Variants in NUAK2 observed in about 807,000 individuals in gnomAD.
NUAK2 encodes NUAK family kinase 2, also known as NUAK family SNF1-like kinase 2.
In NUAK2, 20 loss-of-function variants were observed where a neutral mutation model predicts 29.8. The observed-to-expected ratio is 0.67, with a 90% CI of 0.47 to 0.98. The LOEUF is 0.98. Ranked by LOEUF, NUAK2 falls within the 50% of genes least tolerant of loss-of-function variation. The pLI is 0.00. For missense variants in NUAK2, 719 were observed against 834.5 expected, an observed-to-expected ratio of 0.86 and a Z score of 1.71; for synonymous variants, 331 against 342.6, an observed-to-expected ratio of 0.97 and a Z score of 0.37.
At position 205,303,737 on chromosome 1, in the gene NUAK2, C is replaced by T; in HGVS notation, c.1600G>A (p.Ala534Thr). ...GCCCCTGAGGGTCGGCTGGCCCGGGCCAGGGGGCGAGGTGGGGCGAGTTCA... is the reference window on the plus strand; with the variant it reads ...GCCCCTGAGGGTCGGCTGGCCCGGGTCAGGGGGCGAGGTGGGGCGAGTTCA... Reference protein sequence around the residue: ...LDELAPPRPLARASRPSGAVS... With the variant: ...LDELAPPRPLTRASRPSGAVS... The change falls in exon 7 of 7, where the codon GCC becomes ACC. Residue 534 changes from alanine (A) to threonine (T), a missense_variant. By Grantham distance (58) the Ala-to-Thr change is moderately conservative. Transcript: ENST00000367157. The T allele has an allele frequency of 1.3e-6, 2 of 1,539,878 alleles. No homozygotes were observed. The highest frequency in any genetic ancestry group is 1.7e-6 in the Non-Finnish European group (2 of 1,144,848).
Position 205,311,905 on chromosome 1 carries a change from G to A in NUAK2, c.232-80C>T. 3 of 1,579,604 alleles carry A rather than the reference G, an allele frequency of 1.9e-6. No individual in the cohort carries two copies. The South Asian group carries it at 3.4e-5, about 18-fold the overall frequency. On this transcript the variant is annotated intron_variant, in intron 1 of 6. Coordinates refer to ENST00000367157, the MANE Select transcript of NUAK2 (RefSeq NM_030952.3). The stretch of plus-strand genomic sequence containing the variant: ...GGGCCCTGGTCCTGGTGGTTTGCCT[G>A]TAGCTGCTATAAAGGCCACAGAGTA...
At chr1:205,315,279 G>A (rs536403517) in intron 1 of NUAK2, among the ~76,000 whole-genome samples, 1 of 152,334 alleles carries the variant, frequency 6.6e-6, no homozygotes, top group Non-Finnish European at 1.5e-5. Flanking sequence ...CACAGGAGAG[G>A]GCTCTAGCTA....
At chr1:205,311,014 A>C (rs541736611) in intron 2 of NUAK2, among the ~76,000 whole-genome samples, 88 of 152,146 alleles carry the variant, frequency 5.8e-4, no homozygotes, top group African/African-American at 2.1e-3. Flanking sequence ...CATCTAACTG[A>C]TATTATGTAA....
chr1:205,303,972 G>T lies in NUAK2; in HGVS notation c.1365C>A (p.Arg455=). 6.2e-7 allele frequency: 1 copy of T among 1,613,888 alleles called. No individual in the cohort carries two copies. Among genetic ancestry groups the T allele is most frequent in the African/African-American group, 1.3e-5 (1 of 75,038 alleles). The part of the protein sequence containing the change: ...KKGILKKPRQ[R]ESGYYSSPEP... ...CGGGAGAGGAGTAGTAGCCAGACTC[G>T]CGCTGTCGGGGCTTCTTGAGAATGC... The change falls in exon 7 of 7, where the codon CGC becomes CGA. Residue 455 remains arginine (R), a synonymous_variant. Transcript: ENST00000367157.
intron 1 of NUAK2, among the ~76,000 whole-genome samples, chr1:205,317,144 G>A (rs1662338755): frequency 6.6e-6 from 1 of 152,204 alleles, no homozygotes; most frequent in Admixed American, 6.5e-5. Context: ...ACCCTGGAGA[G>A]GTAGGTGCTG....
Position 205,320,014 on chromosome 1 carries a change from C to G in NUAK2, c.231+1384G>C, listed in dbSNP as rs542930224. 1.1e-4 allele frequency among the ~76,000 whole-genome samples: 16 copies of G among 152,260 alleles called. 1 individual carries two copies. Among genetic ancestry groups the G allele is most frequent in the African/African-American group, 3.9e-4 (16 of 41,544 alleles). On this transcript the variant is annotated intron_variant, in intron 1 of 6. Coordinates refer to ENST00000367157, the MANE Select transcript of NUAK2 (RefSeq NM_030952.3). ...CATAATAATGCCTAAACCACCTGCT[C>G]TAAAAGGCTTGTTAAAATATACATT...
rs1030683499 is a variant in NUAK2 at position 205,321,695 on chromosome 1, G to C, written c.-67C>G. ...GCTGTGCGGGGAGGGCTGAAGCGCG[G>C]GGCACAGGTCCCGCACCAGGACGGG... On this transcript the variant is annotated 5_prime_UTR_variant, in exon 1 of 7. Coordinates refer to ENST00000367157, the MANE Select transcript of NUAK2 (RefSeq NM_030952.3). The C allele has an allele frequency of 7.6e-7, 1 of 1,324,224 alleles. No individual in the cohort carries two copies. The highest frequency in any genetic ancestry group is 1.4e-5 in the African/African-American group (1 of 69,438). The allele number at this position is 1,324,224 out of a possible 1,614,324, so 82.0% of individuals were successfully genotyped here.
chr1:205,321,467 C>T lies in NUAK2; in HGVS notation c.162G>A (p.Glu54=). 1 of 1,614,026 alleles carries T rather than the reference C, an allele frequency of 6.2e-7. No homozygotes were observed. The highest frequency in any genetic ancestry group is 8.5e-7 in the Non-Finnish European group (1 of 1,179,902). Residue 54 remains glutamate (E), a synonymous_variant, in exon 1 of 7, where the codon GAG becomes GAA. Coordinates refer to ENST00000367157, the MANE Select transcript of NUAK2 (RefSeq NM_030952.3). ...HHKHNLRHRY[E]FLETLGKGTY... ...TGCCTTTGCCCAGGGTCTCCAGGAACTCGTAGCGGTGCCGCAGGTTGTGCT... is the reference window on the plus strand; with the variant it reads ...TGCCTTTGCCCAGGGTCTCCAGGAATTCGTAGCGGTGCCGCAGGTTGTGCT...
At position 205,304,289 on chromosome 1, in the gene NUAK2, C is replaced by T; in HGVS notation, c.1048G>A (p.Val350Met). 6.8e-6 allele frequency: 11 copies of T among 1,613,074 alleles called. No individual in the cohort carries two copies. The highest frequency in any genetic ancestry group is 9.3e-6 in the Non-Finnish European group (11 of 1,179,360). ...SRPLLENGAK[V>M]CSFFKQHAPG... ...GCATGCTGCTTGAAGAAGCTGCACACCTTGGCCCCATTCTCCAGGAGGGGG... is the reference window on the plus strand; with the variant it reads ...GCATGCTGCTTGAAGAAGCTGCACATCTTGGCCCCATTCTCCAGGAGGGGG... The change falls in exon 7 of 7, where the codon GTG (valine) becomes ATG (methionine). Residue 350 changes from valine to methionine, a missense_variant. Val to Met is a conservative substitution (Grantham distance 21). Transcript: ENST00000367157. This position sits in a 1 kb window ranked among gnomAD's most constrained non-coding sequence, Gnocchi z 6.5.
chr1:205,320,646 A>C (rs1225050331), intron 1 of NUAK2, among the ~76,000 whole-genome samples: 1 of 152,214 alleles, frequency 6.6e-6, no homozygotes, highest in Admixed American at 6.5e-5. Flanking sequence ...CTTGTGAGGC[A>C]GGCTGTGTTT....
In NUAK2 at chr1:205,302,073, C is replaced by T. The variant is rs1183394171; in HGVS notation, c.*1377G>A. 1 of 152,454 alleles carries T rather than the reference C, an allele frequency of 6.6e-6. No individual in the cohort carries two copies. Among genetic ancestry groups the T allele is most frequent in the African/African-American group, 2.4e-5 (1 of 41,430 alleles). The allele number at this position is 152,454 out of a possible 1,614,324, so 9.4% of individuals were successfully genotyped here. A position where few individuals can be genotyped will look rare whatever the true frequency, so the allele number is the denominator to read the frequency against. ...AACAGCAGGGCCTGCTTCCAATCAC[C>T]TTTCTGGTTTTAATGGTACTTTTTG... On this transcript the variant is annotated 3_prime_UTR_variant, in exon 7 of 7. Transcript: ENST00000367157.
In NUAK2 at chr1:205,304,013, G is replaced by A. The variant is rs898234522; in HGVS notation, c.1324C>T (p.Leu442=). The part of the protein sequence containing the change: ...IPASPGQAAP[L]LPKKGILKKP... ...TTGAGAATGCCCTTCTTGGGGAGCA[G>A]GGGGGCAGCCTGCCCTGGGCTCGCA... The change falls in exon 7 of 7, where the codon CTG becomes TTG. Residue 442 remains leucine (L), a synonymous_variant. Coordinates refer to ENST00000367157, the MANE Select transcript of NUAK2 (RefSeq NM_030952.3). The surrounding 1 kb of genome is among the most constrained non-coding windows in gnomAD (Gnocchi z 6.5). 3 of 1,613,754 alleles carry A rather than the reference G, an allele frequency of 1.9e-6. No homozygotes were observed. The Admixed American group carries it at 5.0e-5, about 27-fold the overall frequency.
chr1:205,317,133 C>T (rs1459552305), intron 1 of NUAK2, among the ~76,000 whole-genome samples: 1 of 152,236 alleles, frequency 6.6e-6, no homozygotes, highest in Non-Finnish European at 1.5e-5. Flanking sequence ...CCTCTGCCAA[C>T]ACCCTGGAGA....
chr1:205,321,434 C>G lies in NUAK2; in HGVS notation c.195G>C (p.Gly65=). ...AGCTCTCCCGCGCCTTCTTCACCTT[C>G]CCGTAGGTGCCTTTGCCCAGGGTCT... is the stretch of plus-strand genomic sequence containing the variant. The part of the protein sequence containing the change: ...FLETLGKGTY[G]KVKKARESSG... Residue 65 remains glycine (G), a synonymous_variant, in exon 1 of 7, where the codon GGG becomes GGC. Coordinates refer to ENST00000367157, the MANE Select transcript of NUAK2 (RefSeq NM_030952.3). The G allele has an allele frequency of 1.2e-6, 2 of 1,613,952 alleles. No homozygotes were observed. The highest frequency in any genetic ancestry group is 1.7e-6 in the Non-Finnish European group (2 of 1,179,870).
chr1:205,303,828 T>C lies in NUAK2; in HGVS notation c.1509A>G (p.Lys503=), dbSNP rs750856889. Residue 503 remains lysine, a synonymous_variant, in exon 7 of 7, where the codon AAA becomes AAG. Transcript: ENST00000367157. ...GLLLHRKGIL[K]LNGKFSQTAL... ...CTGTCTGGGAGAACTTGCCATTGAGTTTGAGGATGCCTTTGCGATGGAGGA... is the reference window on the plus strand; with the variant it reads ...CTGTCTGGGAGAACTTGCCATTGAGCTTGAGGATGCCTTTGCGATGGAGGA... The C allele has an allele frequency of 1.9e-5, 30 of 1,603,158 alleles. No individual in the cohort carries two copies. Among genetic ancestry groups the C allele is most frequent in the Middle Eastern group, 1.7e-4 (1 of 5,988 alleles).
At chr1:205,316,027 T>A (rs1390364630) in intron 1 of NUAK2, among the ~76,000 whole-genome samples, 1 of 152,146 alleles carries the variant, frequency 6.6e-6, no homozygotes, top group Non-Finnish European at 1.5e-5. Context: ...AGTATCCAAG[T>A]TTAGATAATA....
Position 205,304,266 on chromosome 1 carries a change from A to G in NUAK2, c.1071T>C (p.His357=), listed in dbSNP as rs1558671391. The G allele has an allele frequency of 6.2e-7, 1 of 1,614,004 alleles. No homozygotes were observed. Among genetic ancestry groups the G allele is most frequent in the Non-Finnish European group, 8.5e-7 (1 of 1,179,952 alleles). ...GAKVCSFFKQ[H]APGGGSTTPG... ...GGGTGGTGCTTCCCCCACCAGGTGC[A>G]TGCTGCTTGAAGAAGCTGCACACCT... is the stretch of plus-strand genomic sequence containing the variant. Residue 357 remains histidine (H), a synonymous_variant, in exon 7 of 7, where the codon CAT becomes CAC. Transcript: ENST00000367157. The surrounding 1 kb of genome is among the most constrained non-coding windows in gnomAD (Gnocchi z 6.5).
At position 205,321,564 on chromosome 1, in the gene NUAK2, G is replaced by A; in HGVS notation, c.65C>T (p.Pro22Leu). Residue 22 changes from proline to leucine, a missense_variant, in exon 1 of 7, where the codon CCG becomes CTG. Physicochemically the swap from Pro to Leu is moderately conservative, Grantham distance 98 (BLOSUM62 -3). This residue lies in a region of NUAK2 where 283 missense variants were observed against 345.6 expected (regional missense o/e 0.82). Transcript: ENST00000367157. ...CGACTTGATCAGCCCTTCCGCCAGC[G>A]GCCGGGCTAGCTCTGCGGCCGAGGG... ...PTPSAAELAR[P>L]LAEGLIKSPK... 1 of 1,613,604 alleles carries A rather than the reference G, an allele frequency of 6.2e-7. No individual in the cohort carries two copies. The highest frequency in any genetic ancestry group is 8.5e-7 in the Non-Finnish European group (1 of 1,179,886).
At chr1:205,320,877 A>G (rs1435863952) in intron 1 of NUAK2, among the ~76,000 whole-genome samples, 1 of 147,716 alleles carries the variant, frequency 6.8e-6, no homozygotes, top group African/African-American at 2.6e-5. Flanking sequence ...AGAGCTGGAA[A>G]GGACCTAAAT....
Sources: allele counts gnomAD v4.1 joint callset (sites outside exome capture counted in the v4.1 genomes callset), GRCh38; gene constraint gnomAD v4.1.1; regional missense constraint gnomAD v4.1.1; non-coding constraint Gnocchi (gnomAD v3.1); transcripts MANE v1.5; gene names NCBI Gene and HGNC (gene_info 2026-07-23, HGNC 2026-07-21).